The following ZIC5 variants were observed in gnomAD, a reference collection of about 807,000 sequenced individuals.
ZIC5 encodes Zic family zinc finger 5.
In ZIC5, 20 loss-of-function variants were observed where a neutral mutation model predicts 28.5. That is an observed-to-expected ratio of 0.70 (90% CI 0.49 to 1.02). The LOEUF is 1.02. Among genes scored for constraint, ZIC5 ranks in the 50% least tolerant of loss-of-function variants. The probability of loss-of-function intolerance (pLI) is 0.00; values close to 1 mark genes in which losing one functional copy is unlikely to be tolerated. For synonymous variants in ZIC5, 488 were observed against 410.4 expected (o/e 1.19, Z -2.29); for missense variants, 951 against 899.7 (o/e 1.06, Z -0.73).
Position 99,971,580 on chromosome 13 carries a change from C to T in ZIC5, c.24G>A (p.Arg8=), listed in dbSNP as rs201834025. MEPPLSK[R]NPPALRLADL... ...CCGCTAATCTCAGCGCTGGCGGGTT[C>T]CTCTTGCTCAAAGGGGGCTCCATCA... The change falls in exon 1 of 2, where the codon AGG becomes AGA. Residue 8 remains arginine, a synonymous_variant. Coordinates refer to ENST00000267294, the MANE Select transcript of ZIC5 (RefSeq NM_033132.5). The T allele has an allele frequency of 1.1e-3, 1,676 of 1,553,928 alleles. 15 individuals carry two copies. The highest frequency in any genetic ancestry group is 4.2e-4 in the Non-Finnish European group (480 of 1,147,964).
upstream of ZIC5, chr13:99,971,831 G>A: frequency 1.1e-6 from 1 of 943,616 alleles, no homozygotes. Context: ...TGGGATTGGA[G>A]GGAGCCGCGT....
At position 99,963,555 on chromosome 13, in the gene ZIC5, T is replaced by C. The variant is rs1018692937; in HGVS notation, c.*1822A>G. The C allele has an allele frequency of 1.3e-5, 2 of 152,476 alleles. No individual in the cohort carries two copies. Among genetic ancestry groups the C allele is most frequent in the Non-Finnish European group, 2.9e-5 (2 of 67,986 alleles). 9.4% of individuals were successfully genotyped at this position (152,476 alleles called of 1,614,324 possible). A position where few individuals can be genotyped will look rare whatever the true frequency, so the allele number is the denominator to read the frequency against. On this transcript the variant is annotated 3_prime_UTR_variant, in exon 2 of 2. Coordinates refer to ENST00000267294, the MANE Select transcript of ZIC5 (RefSeq NM_033132.5). ...AGTAATATAATATATCTATAAACTA[T>C]ATATAATCTTATCAACACAATGCAA...
rs1306994188 is a variant in ZIC5 at position 99,971,189 on chromosome 13, G to T, written c.415C>A (p.Pro139Thr). The T allele has an allele frequency of 3.3e-6, 3 of 917,904 alleles. No individual in the cohort carries two copies. The highest frequency in any genetic ancestry group is 5.3e-5 in the South Asian group (2 of 38,052). The allele number at this position is 917,904 out of a possible 1,614,324, so 56.9% of individuals were successfully genotyped here. Residue 139 changes from proline (P) to threonine (T), a missense_variant, in exon 1 of 2, where the codon CCC becomes ACC. Transcript: ENST00000267294. ...GGAGGAGGCGGGGGAGGGGGAGGGG[G>T]TGAAGGGGTGGGAGGAAGAGGAGGG... ...PAPPLPPTPS[P>T]PPPPPPPPPP...
Position 99,970,170 on chromosome 13 carries a change from G to A in ZIC5, c.1434C>T (p.Phe478=). ...GGATCTTGAGGTTCTCGGAGCGCGC[G>A]AAGACCTTGCCGCAGCCGGGGAAAG... is the stretch of plus-strand genomic sequence containing the variant. ...PCPFPGCGKV[F]ARSENLKIHK... The change falls in exon 1 of 2, where the codon TTC becomes TTT. Residue 478 remains phenylalanine, a synonymous_variant. Coordinates refer to ENST00000267294, the MANE Select transcript of ZIC5 (RefSeq NM_033132.5). 2 of 1,612,118 alleles carry A rather than the reference G, an allele frequency of 1.2e-6. No individual in the cohort carries two copies. Among genetic ancestry groups the A allele is most frequent in the Non-Finnish European group, 1.7e-6 (2 of 1,179,376 alleles).
intron 1 of ZIC5, among the ~76,000 whole-genome samples, chr13:99,968,029 C>T (rs954907067): frequency 1.3e-5 from 2 of 152,192 alleles, no homozygotes; most frequent in South Asian, 4.1e-4. Context: ...CCCGAGAGAG[C>T]GCGAGTCGGG....
chr13:99,963,429 C>A lies in ZIC5; in HGVS notation c.*1948G>T, dbSNP rs1473978373. On this transcript the variant is annotated 3_prime_UTR_variant, in exon 2 of 2. Coordinates refer to ENST00000267294, the MANE Select transcript of ZIC5 (RefSeq NM_033132.5). ...TTATCTCATATTCAAGTTTTAAGGT[C>A]TTTTTCTTTATAAAGGAGGGTCTGC... The A allele has an allele frequency of 6.6e-6, 1 of 152,370 alleles. No homozygotes were observed. Among genetic ancestry groups the A allele is most frequent in the Non-Finnish European group, 1.5e-5 (1 of 67,984 alleles). The allele number at this position is 152,370 out of a possible 1,614,324, so 9.4% of individuals were successfully genotyped here.
rs1181106640 is a variant in ZIC5 at position 99,970,608 on chromosome 13, C to G, written c.996G>C (p.Pro332=). Residue 332 remains proline, a synonymous_variant, in exon 1 of 2, where the codon CCG becomes CCC. Coordinates refer to ENST00000267294, the MANE Select transcript of ZIC5 (RefSeq NM_033132.5). The stretch of plus-strand genomic sequence containing the variant: ...CCGGCGGCGGCGGCGGCGCCGGGGG[C>G]GGCGCGTGGTGCTGCAGGTGGGGCC... ...GPGPHLQHHA[P]PPAPPPPPAP... is the part of the protein sequence containing the mutation. The G allele has an allele frequency of 2.0e-6, 2 of 1,009,000 alleles. No individual in the cohort carries two copies. The highest frequency in any genetic ancestry group is 2.4e-6 in the Non-Finnish European group (2 of 849,268). The allele number at this position is 1,009,000 out of a possible 1,614,324, so 62.5% of individuals were successfully genotyped here.
At chr13:99,966,763 C>T (rs548874153) in intron 1 of ZIC5, among the ~76,000 whole-genome samples, 4 of 150,374 alleles carry the variant, frequency 2.7e-5, no homozygotes, top group Non-Finnish European at 4.4e-5. Flanking sequence ...CCCACAAACA[C>T]GCCTTTAAAC....
intron 1 of ZIC5, among the ~76,000 whole-genome samples, chr13:99,968,350 G>A (rs1221693820): frequency 2.6e-5 from 4 of 152,186 alleles, no homozygotes; most frequent in Non-Finnish European, 5.9e-5. Flanking sequence ...CCGCCGGGAG[G>A]GGGCAGGAAA....
chr13:99,971,349 C>T lies in ZIC5; in HGVS notation c.255G>A (p.Gln85=). The change falls in exon 1 of 2, where the codon CAG becomes CAA. Residue 85 remains glutamine (Q), a synonymous_variant. Transcript: ENST00000267294. ...GAGCCTCCGGGTGTGCCGGGAACGC[C>T]TGGGAGGGAGGGCTGAGGCCCAGCG... ...ASTLGLSPPS[Q]AFPAHPEAPA... is the part of the protein sequence containing the mutation. 7.0e-7 allele frequency: 1 copy of T among 1,431,102 alleles called. No individual in the cohort carries two copies. Among genetic ancestry groups the T allele is most frequent in the Non-Finnish European group, 9.1e-7 (1 of 1,104,574 alleles). The allele number at this position is 1,431,102 out of a possible 1,614,324, so 88.7% of individuals were successfully genotyped here.
intron 1 of ZIC5, among the ~76,000 whole-genome samples, chr13:99,968,784 T>G (rs1426988901): frequency 1.3e-5 from 2 of 152,088 alleles, no homozygotes; most frequent in African/African-American, 4.8e-5. Context: ...GAAAAATCAT[T>G]AAGGCGGACT....
At position 99,970,413 on chromosome 13, in the gene ZIC5, TGGCGGCGGCGGCGGCGGCGGCGGC is replaced by T. The variant is rs71114653; in HGVS notation, c.1167_1190del (p.Pro393_Pro400del). 1.5e-4 allele frequency: 164 copies of T among 1,106,616 alleles called. 27 individuals are homozygous for T. In the South Asian group the frequency reaches 1.8e-3, roughly 12 times the overall value. The allele number at this position is 1,106,616 out of a possible 1,614,324, so 68.5% of individuals were successfully genotyped here. A position where few individuals can be genotyped will look rare whatever the true frequency, so the allele number is the denominator to read the frequency against. ...GCTTGGCGCCGCCGGCCGGGGGCGG[TGGCGGCGGCGGCGGCGGCGGCGGC>T]GGCGGCGGCGGCAGCCCGGCCAGCT... is the stretch of plus-strand genomic sequence containing the variant. On this transcript the variant is annotated inframe_deletion, in exon 1 of 2. Transcript: ENST00000267294.
Position 99,971,182 on chromosome 13 carries a change from G to C in ZIC5, c.422C>G (p.Pro141Arg). 3.0e-6 allele frequency: 4 copies of C among 1,341,226 alleles called. No homozygotes were observed. The highest frequency in any genetic ancestry group is 3.8e-6 in the Non-Finnish European group (4 of 1,050,880). The allele number at this position is 1,341,226 out of a possible 1,614,324, so 83.1% of individuals were successfully genotyped here. Residue 141 changes from proline to arginine, a missense_variant, in exon 1 of 2, where the codon CCC (proline) becomes CGC (arginine). Physicochemically the swap from Pro to Arg is moderately radical, Grantham distance 103. This residue lies in a region of ZIC5 where 784 missense variants were observed against 660.1 expected (regional missense o/e 1.19). Coordinates refer to ENST00000267294, the MANE Select transcript of ZIC5 (RefSeq NM_033132.5). ...PPLPPTPSPPPPPPPPPPPAL... is the reference protein window; with the variant it reads ...PPLPPTPSPPRPPPPPPPPAL... ...AGGAGGAGGAGGAGGCGGGGGAGGG[G>C]GAGGGGGTGAAGGGGTGGGAGGAAG... is the stretch of plus-strand genomic sequence containing the variant.
chr13:99,964,867 G>C lies in ZIC5; in HGVS notation c.*510C>G, dbSNP rs181588251. Reference sequence around the variant, plus strand: ...CAATCAAGAGGCCTTGGCAGAATTAGGGTCCAACAAGGAGGCTCAAAAGCA... The same window carrying C: ...CAATCAAGAGGCCTTGGCAGAATTACGGTCCAACAAGGAGGCTCAAAAGCA... On this transcript the variant is annotated 3_prime_UTR_variant, in exon 2 of 2. Coordinates refer to ENST00000267294, the MANE Select transcript of ZIC5 (RefSeq NM_033132.5). 5 of 152,362 alleles carry C rather than the reference G, an allele frequency of 3.3e-5. No homozygotes were observed. Among genetic ancestry groups the C allele is most frequent in the Admixed American group, 6.5e-5 (1 of 15,270 alleles). The allele number at this position is 152,362 out of a possible 1,614,324, so 9.4% of individuals were successfully genotyped here.
upstream of ZIC5, chr13:99,971,896 C>G (rs2053164553): frequency 3.4e-6 from 2 of 595,998 alleles, no homozygotes; most frequent in Admixed American, 6.6e-5. Flanking sequence ...CTCGACCCAG[C>G]GGGGATTCGC....
At position 99,970,672 on chromosome 13, in the gene ZIC5, T is replaced by G; in HGVS notation, c.932A>C (p.Asn311Thr). 2.8e-5 allele frequency: 32 copies of G among 1,152,238 alleles called. No individual in the cohort carries two copies. The highest frequency in any genetic ancestry group is 2.2e-4 in the East Asian group (3 of 13,458). 71.4% of individuals were successfully genotyped at this position (1,152,238 alleles called of 1,614,324 possible). Residue 311 changes from asparagine (N) to threonine (T), a missense_variant, in exon 1 of 2, where the codon AAC (asparagine) becomes ACC (threonine). Physicochemically the swap from Asn to Thr is moderately conservative, Grantham distance 65. Transcript: ENST00000267294. ...TGCTGCGGCCGCCGCAGCCGCCAGGTTCAGGTTTAAGTTCACGGCTCCGTA... is the reference window on the plus strand; with the variant it reads ...TGCTGCGGCCGCCGCAGCCGCCAGGGTCAGGTTTAAGTTCACGGCTCCGTA... ...HGYGAVNLNL[N>T]LAAAAAAAAA...
chr13:99,971,438 G>T lies in ZIC5; in HGVS notation c.166C>A (p.Leu56Met). The T allele has an allele frequency of 6.5e-7, 1 of 1,544,498 alleles. No homozygotes were observed. The change falls in exon 1 of 2, where the codon CTG becomes ATG. Residue 56 changes from leucine to methionine, a missense_variant. Leu to Met is a conservative substitution (Grantham distance 15). Transcript: ENST00000267294. ...AAVAHLRLRD[L>M]GADPGVATTP... is the part of the protein sequence containing the mutation. ...GTGGCCACGCCGGGGTCAGCGCCCA[G>T]GTCCCGCAGGCGGAGGTGCGCGACG... is the stretch of plus-strand genomic sequence containing the variant.
chr13:99,971,101 C>A lies in ZIC5; in HGVS notation c.503G>T (p.Gly168Val). The change falls in exon 1 of 2, where the codon GGC (glycine) becomes GTC (valine). Residue 168 changes from glycine to valine, a missense_variant. By Grantham distance (109) the Gly-to-Val change is moderately radical (BLOSUM62 -3). Coordinates refer to ENST00000267294, the MANE Select transcript of ZIC5 (RefSeq NM_033132.5). Reference sequence around the variant, plus strand: ...CCGGAGGACGAAGTCCCTGCTGTGGCCTTTGCCGCTGCTGCCGCCGCCGCC... The same window carrying A: ...CCGGAGGACGAAGTCCCTGCTGTGGACTTTGCCGCTGCTGCCGCCGCCGCC... ...NSGGGGSSGK[G>V]HSRDFVLRRD... The A allele has an allele frequency of 2.8e-6, 4 of 1,436,342 alleles. No homozygotes were observed. Among genetic ancestry groups the A allele is most frequent in the Non-Finnish European group, 3.6e-6 (4 of 1,104,452 alleles). 89.0% of individuals were successfully genotyped at this position (1,436,342 alleles called of 1,614,324 possible).
chr13:99,965,519 A>G lies in ZIC5; in HGVS notation c.1778T>C (p.Val593Ala). Residue 593 changes from valine to alanine, a missense_variant, in exon 2 of 2, where the codon GTG becomes GCG. Transcript: ENST00000267294. ...AACGTACCACTCATTGAGGTTGGTC[A>G]CCTGAGGGGACAGAGTGCTGGAGTG... Reference protein sequence around the residue: ...RSHSSTLSPQVTNLNEWYVCQ... With the variant: ...RSHSSTLSPQATNLNEWYVCQ... The G allele has an allele frequency of 6.2e-7, 1 of 1,613,676 alleles. No individual in the cohort carries two copies. Among genetic ancestry groups the G allele is most frequent in the Non-Finnish European group, 8.5e-7 (1 of 1,179,860 alleles).
Sources: allele counts gnomAD v4.1 joint callset (sites outside exome capture counted in the v4.1 genomes callset), GRCh38; gene constraint gnomAD v4.1.1; regional missense constraint gnomAD v4.1.1; transcripts MANE v1.5; gene names NCBI Gene and HGNC (gene_info 2026-07-23, HGNC 2026-07-21).